Variants in CASTOR1 observed in about 807,000 individuals in gnomAD.
CASTOR1 encodes GATS protein like 3.
In CASTOR1, 18 loss-of-function variants were observed where a neutral mutation model predicts 33.7. The observed-to-expected ratio is 0.53, with a 90% confidence interval of 0.37 to 0.79. CASTOR1 has a LOEUF of 0.79. Among genes scored for constraint, CASTOR1 ranks in the 30% least tolerant of loss-of-function variants. The probability of loss-of-function intolerance (pLI) is 0.00; values close to 1 mark genes in which losing one functional copy is unlikely to be tolerated. For missense variants in CASTOR1, 362 were observed against 446.3 expected, an observed-to-expected ratio of 0.81 and a Z score of 1.70; for synonymous variants, 175 against 190.6, an observed-to-expected ratio of 0.92 and a Z score of 0.67.
chr22:30,285,968 T>TGCTCCCCAGAC, intron 7 of CASTOR1, 42 bp from the exon 8 acceptor site: 6 of 1,583,250 alleles, frequency 3.8e-6, no homozygotes, highest in Non-Finnish European at 5.2e-6. Context: ...ACATGCCGGT[T>TGCTCCCCAGAC]GCTCCCCAGA....
chr22:30,286,740 G>A, intron 5 of CASTOR1, 85 bp downstream of exon 5: 1 of 1,558,306 alleles, frequency 6.4e-7, no homozygotes, highest in Non-Finnish European at 8.8e-7. Context: ...AGCAAGAGGT[G>A]CAAAACTGAT....
rs1305216910 is a variant in CASTOR1, at chr22:30,286,965, G to A, written c.506-17C>T. 2 of 1,604,418 alleles carry A rather than the reference G, an allele frequency of 1.2e-6. No homozygotes were observed. Among genetic ancestry groups the A allele is most frequent in the Non-Finnish European group, 1.7e-6 (2 of 1,174,088 alleles). On this transcript the variant is annotated splice_polypyrimidine_tract_variant and intron_variant, in intron 4 of 8. Transcript: ENST00000407689. ...GGCTGGGCCCTGCTGGAGGACAGCA[G>A]CAGGTGAAAAGGTGTCCGTGGGCTG...
In CASTOR1 at chr22:30,285,503, C is replaced by A. The variant is rs765965217; in HGVS notation, c.*117G>T. 5 of 811,952 alleles carry A rather than the reference C, an allele frequency of 6.2e-6. No individual in the cohort carries two copies. Among genetic ancestry groups the A allele is most frequent in the Non-Finnish European group, 7.9e-6 (4 of 506,896 alleles). 50.3% of individuals were successfully genotyped at this position (811,952 alleles called of 1,614,324 possible). ...CGCAGCTTACATACAGAGAGCGGAA[C>A]GAGGGTCCCCAGCAGAACAGGGGGC... On this transcript the variant is annotated 3_prime_UTR_variant, in exon 9 of 9. Transcript: ENST00000407689.
Position 30,288,782 on chromosome 22 carries a change from T to TG in CASTOR1, c.114-7dup, listed in dbSNP as rs750134212. On this transcript the variant is annotated splice_polypyrimidine_tract_variant and splice_region_variant and intron_variant, in intron 1 of 8. Transcript: ENST00000407689. ...TCAGGCTGAAGAACTTGCACCTGGT[T>TG]GGGGGTGGGGAGCATCTTCAGCTTG... 26 of 1,608,090 alleles carry TG rather than the reference T, an allele frequency of 1.6e-5. No individual in the cohort carries two copies. The African/African-American group carries it at 3.2e-4, about 20-fold the overall frequency.
Position 30,286,267 on chromosome 22 carries a change from T to C in CASTOR1, c.739A>G (p.Lys247Glu). 6.2e-7 allele frequency: 1 copy of C among 1,611,740 alleles called. No individual in the cohort carries two copies. Among genetic ancestry groups the C allele is most frequent in the African/African-American group, 1.3e-5 (1 of 74,996 alleles). ...CCGGGGTCAGGGGTCACCTACTTTT[T>C]CTGTGTTTCAGCATCCATGACAATG... ...ISIVMDAETQ[K>E]KFPSDLLLTS... The change falls in exon 6 of 9, where the codon AAA becomes GAA. Residue 247 changes from lysine (K) to glutamate (E), a missense_variant. Physicochemically the swap from Lys to Glu is moderately conservative, Grantham distance 56. Coordinates refer to ENST00000407689, the MANE Select transcript of CASTOR1 (RefSeq NM_001037666.3).
intron 4 of CASTOR1, 22 bp from the exon 5 acceptor site, chr22:30,286,970 T>C: frequency 6.3e-7 from 1 of 1,597,008 alleles, no homozygotes; most frequent in African/African-American, 1.3e-5. Flanking sequence ...CAGCAGCAGG[T>C]GAAAAGGTGT....
chr22:30,287,012 CA>C, intron 4 of CASTOR1, 64 bp from the exon 5 acceptor site: 7 of 1,569,190 alleles, frequency 4.5e-6, no homozygotes, highest in Non-Finnish European at 6.1e-6. Flanking sequence ...GGTGGCTAGT[CA>C]GGGAGAGGCG....
Position 30,287,384 on chromosome 22 carries a change from C to A in CASTOR1, c.361G>T (p.Asp121Tyr), listed in dbSNP as rs1020524089. 3.1e-6 allele frequency: 5 copies of A among 1,611,848 alleles called. No homozygotes were observed. The Admixed American group carries it at 5.0e-5, about 16-fold the overall frequency. The change falls in exon 3 of 9, where the codon GAC becomes TAC. Residue 121 changes from aspartate to tyrosine, a missense_variant. Coordinates refer to ENST00000407689, the MANE Select transcript of CASTOR1 (RefSeq NM_001037666.3). ...AGCAGGAAACTCACCAGGATGAAGTCCGTCTGGTAAGTGGACAGCATCAGC... is the reference window on the plus strand; with the variant it reads ...AGCAGGAAACTCACCAGGATGAAGTACGTCTGGTAAGTGGACAGCATCAGC... ...SVLMLSTYQT[D>Y]FILVREQDLS...
rs1413440096 is a variant in CASTOR1, at chr22:30,286,080, C to T, written c.762G>A (p.Leu254=). 7.0e-6 allele frequency: 11 copies of T among 1,577,768 alleles called. No individual in the cohort carries two copies. Among genetic ancestry groups the T allele is most frequent in the Non-Finnish European group, 8.6e-6 (10 of 1,160,296 alleles). ...ETQKKFPSDL[L]LTSSSGELWR... Reference sequence around the variant, plus strand: ...ACAGCTCCCCCGAGGAGCTGGTCAGCAGGAGGTCACTGGGGAACCTGGGGA... The same window carrying T: ...ACAGCTCCCCCGAGGAGCTGGTCAGTAGGAGGTCACTGGGGAACCTGGGGA... The change falls in exon 7 of 9, where the codon CTG becomes CTA. Residue 254 remains leucine (L), a synonymous_variant. Transcript: ENST00000407689.
Position 30,287,548 on chromosome 22 carries a change from G to C in CASTOR1, c.197C>G (p.Ser66Cys), listed in dbSNP as rs1929811097. 1 of 1,612,108 alleles carries C rather than the reference G, an allele frequency of 6.2e-7. No individual in the cohort carries two copies. Among genetic ancestry groups the C allele is most frequent in the Non-Finnish European group, 8.5e-7 (1 of 1,179,554 alleles). The change falls in exon 3 of 9, where the codon TCT becomes TGT. Residue 66 changes from serine (S) to cysteine (C), a missense_variant. Ser to Cys is a moderately radical substitution (Grantham distance 112). Transcript: ENST00000407689. ...GGCCTCAGCTACTTGCAGGAACTCAGATGGGGGCAGCTCTGTGGGCAGGGG... is the reference window on the plus strand; with the variant it reads ...GGCCTCAGCTACTTGCAGGAACTCACATGGGGGCAGCTCTGTGGGCAGGGG... Reference protein sequence around the residue: ...DEEGFKELPPSEFLQVAEATW... With the variant: ...DEEGFKELPPCEFLQVAEATW...
chr22:30,286,339 T>C lies in CASTOR1; in HGVS notation c.667A>G (p.Ser223Gly), dbSNP rs1929767199. 1.2e-6 allele frequency: 2 copies of C among 1,613,950 alleles called. No individual in the cohort carries two copies. Among genetic ancestry groups the C allele is most frequent in the Admixed American group, 1.7e-5 (1 of 60,008 alleles). ...KEAASSSPEP[S>G]SITFFAFSLI... ...GAGAAGGCAAAGAACGTGATGGAGC[T>C]GGGTTCAGGACTGCTAGAGGCTGCC... Residue 223 changes from serine to glycine, a missense_variant, in exon 6 of 9, where the codon AGC becomes GGC. Physicochemically the swap from Ser to Gly is moderately conservative, Grantham distance 56. Coordinates refer to ENST00000407689, the MANE Select transcript of CASTOR1 (RefSeq NM_001037666.3).
chr22:30,288,063 C>A (rs1255722393), intron 2 of CASTOR1: 1 of 356,726 alleles, frequency 2.8e-6, no homozygotes, highest in Non-Finnish European at 5.5e-6. Flanking sequence ...AGGCTAAGCT[C>A]CAGCTAGCTG....
Position 30,285,907 on chromosome 22 carries a change from T to C in CASTOR1, c.846A>G (p.Ala282=). The part of the protein sequence containing the change: ...PLGFDECGIV[A]QIAGPLAAAD... ...CGGCAGCCAGGGGACCTGCAATCTG[T>C]GCCACGATGCCACATTCATCTGAGG... The change falls in exon 8 of 9, where the codon GCA becomes GCG. Residue 282 remains alanine, a synonymous_variant. Transcript: ENST00000407689. 6.2e-7 allele frequency: 1 copy of C among 1,607,176 alleles called. No homozygotes were observed. Among genetic ancestry groups the C allele is most frequent in the African/African-American group, 1.3e-5 (1 of 74,506 alleles).
intron 5 of CASTOR1, 71 bp from the exon 6 acceptor site, chr22:30,286,447 C>T: frequency 9.3e-7 from 1 of 1,077,572 alleles, no homozygotes; most frequent in Non-Finnish European, 1.4e-6. Context: ...CGATCAGCCT[C>T]CAGAACCCTG....
rs891849043 is a variant in CASTOR1 at position 30,286,005 on chromosome 22, A to G, written c.826+11T>C. On this transcript the variant is annotated intron_variant, in intron 7 of 8. Transcript: ENST00000407689. ...ACTCCCCAGCCCCCCAACACCGGGA[A>G]CAGCCCTCACCAAAGCCCAGGGGCT... The G allele has an allele frequency of 2.5e-6, 4 of 1,593,570 alleles. No individual in the cohort carries two copies. In the East Asian group the frequency reaches 6.8e-5, roughly 27 times the overall value.
intron 6 of CASTOR1, 22 bp from the exon 7 acceptor site, chr22:30,286,120 G>A: frequency 6.5e-7 from 1 of 1,526,936 alleles, no homozygotes; most frequent in South Asian, 1.3e-5. Context: ...GATGGGTGAT[G>A]GGCAGGGCAC....
rs367889379 is a variant in CASTOR1 at position 30,286,335 on chromosome 22, G to C, written c.671C>G (p.Ser224Cys). Residue 224 changes from serine to cysteine, a missense_variant, in exon 6 of 9, where the codon TCC becomes TGC. By Grantham distance (112) the Ser-to-Cys change is moderately radical (BLOSUM62 -1). Coordinates refer to ENST00000407689, the MANE Select transcript of CASTOR1 (RefSeq NM_001037666.3). ...EAASSSPEPSSITFFAFSLIE... is the reference protein window; with the variant it reads ...EAASSSPEPSCITFFAFSLIE... ...GAGGGAGAAGGCAAAGAACGTGATGGAGCTGGGTTCAGGACTGCTAGAGGC... is the reference window on the plus strand; with the variant it reads ...GAGGGAGAAGGCAAAGAACGTGATGCAGCTGGGTTCAGGACTGCTAGAGGC... The C allele has an allele frequency of 8.7e-6, 14 of 1,614,020 alleles. No homozygotes were observed. Among genetic ancestry groups the C allele is most frequent in the Non-Finnish European group, 1.2e-5 (14 of 1,180,008 alleles).
intron 5 of CASTOR1, 117 bp downstream of exon 5, chr22:30,286,708 C>G (rs951095701): frequency 6.1e-6 from 8 of 1,318,148 alleles, no homozygotes; most frequent in African/African-American, 1.5e-5. Context: ...TCATGGGCTG[C>G]CAGGAACCCC....
Position 30,286,112 on chromosome 22 carries a change from T to C in CASTOR1, c.744-14A>G, listed in dbSNP as rs1449677093. On this transcript the variant is annotated splice_polypyrimidine_tract_variant and intron_variant, in intron 6 of 8. Coordinates refer to ENST00000407689, the MANE Select transcript of CASTOR1 (RefSeq NM_001037666.3). ...TCACTGGGGAACCTGGGGAGGGAGA[T>C]GGGTGATGGGCAGGGCACCCCCATC... The C allele has an allele frequency of 1.9e-6, 3 of 1,553,426 alleles. No individual in the cohort carries two copies. Among genetic ancestry groups the C allele is most frequent in the Middle Eastern group, 1.8e-4 (1 of 5,458 alleles).
Sources: allele counts gnomAD v4.1 joint callset, GRCh38; gene constraint gnomAD v4.1.1; transcripts MANE v1.5; gene names NCBI Gene and HGNC (gene_info 2026-07-23, HGNC 2026-07-21).